Variants in NUP188 observed in about 807,000 individuals in gnomAD.
NUP188 encodes the protein nucleoporin NUP188.
Under a neutral mutation model 223.0 loss-of-function variants are expected in NUP188, and 97 were observed. The observed-to-expected ratio is 0.43, with a 90% CI of 0.37 to 0.51. The LOEUF (loss-of-function observed/expected upper bound fraction) is 0.51, where lower values mean the gene tolerates loss of function less well. NUP188 is among the 20% of genes least tolerant of loss of function. NUP188 has a pLI of 0.00. For missense variants in NUP188, 1,947 were observed against 2,175.6 expected, an observed-to-expected ratio of 0.89 and a Z score of 2.09; for synonymous variants, 869 against 828.0, an observed-to-expected ratio of 1.05 and a Z score of -0.85.
chr9:128,994,871 A>T lies in NUP188; in HGVS notation c.3103A>T (p.Thr1035Ser). ...SETSEPSILE[T>S]CALIMKIICL... ...ATCTCCACAGCCCAGCATCCTGGAA[A>T]CCTGTGCCCTAATCATGAAGATAAT... The change falls in exon 29 of 44, where the codon ACC becomes TCC. Residue 1035 changes from threonine (T) to serine (S), a missense_variant. Coordinates refer to ENST00000372577, the MANE Select transcript of NUP188 (RefSeq NM_015354.3). The T allele has an allele frequency of 6.2e-7, 1 of 1,613,792 alleles. No individual in the cohort carries two copies. The highest frequency in any genetic ancestry group is 1.1e-5 in the South Asian group (1 of 91,076).
At chr9:129,002,557 G>T (rs1168093183) in intron 36 of NUP188, among the ~76,000 whole-genome samples, 2 of 152,236 alleles carry the variant, frequency 1.3e-5, no homozygotes, top group African/African-American at 2.4e-5. Flanking sequence ...GCCAGAGCAG[G>T]GCAGTGACAT....
At chr9:128,963,200 CA>C (rs1427503129) in intron 8 of NUP188, among the ~76,000 whole-genome samples, 5 of 151,728 alleles carry the variant, frequency 3.3e-5, no homozygotes, top group Admixed American at 6.6e-5. Flanking sequence ...TGAACATTAG[CA>C]TATGGGTTTT....
intron 2 of NUP188, among the ~76,000 whole-genome samples, chr9:128,950,977 T>C (rs1564548207): frequency 6.6e-6 from 1 of 152,170 alleles, no homozygotes; most frequent in African/African-American, 2.4e-5. Flanking sequence ...GCTTGGCTGC[T>C]GAGAGTAGGG....
chr9:128,987,813 AGAC>A (rs1249155815), intron 23 of NUP188, 96 bp downstream of exon 23: 6 of 1,484,996 alleles, frequency 4.0e-6, no homozygotes, highest in Middle Eastern at 1.8e-4. Context: ...AGCTTTTAGA[AGAC>A]GACATTGTTC....
At chr9:128,956,559 C>A in intron 4 of NUP188, 125 bp downstream of exon 4, 1 of 560,488 alleles carries the variant, frequency 1.8e-6, no homozygotes, top group Non-Finnish European at 3.1e-6. Flanking sequence ...TATAAATACC[C>A]AGGTTGCAAC....
chr9:128,984,619 C>T (rs1398377564), intron 19 of NUP188, among the ~76,000 whole-genome samples: 1 of 152,182 alleles, frequency 6.6e-6, no homozygotes, highest in Non-Finnish European at 1.5e-5. Context: ...TACACAGGCT[C>T]CATCTTACTA....
intron 24 of NUP188, 56 bp from the exon 25 acceptor site, chr9:128,990,064 C>T (rs1842393026): frequency 7.5e-7 from 1 of 1,336,718 alleles, no homozygotes; most frequent in Admixed American, 1.7e-5. Flanking sequence ...AGTCAGTGCT[C>T]TAAGGACTTG....
chr9:128,987,465 G>T (rs564658528), intron 22 of NUP188, 124 bp from the exon 23 acceptor site: 19 of 819,146 alleles, frequency 2.3e-5, no homozygotes, highest in Middle Eastern at 3.8e-4. Flanking sequence ...CCTTCAGCTT[G>T]CAGAGAGCTG....
chr9:128,996,267 A>G lies in NUP188; in HGVS notation c.3351+753A>G, dbSNP rs150317193. 2.8e-4 allele frequency among the ~76,000 whole-genome samples: 43 copies of G among 151,762 alleles called. No individual in the cohort carries two copies. In the East Asian group the frequency reaches 7.0e-3, roughly 25 times the overall value. On this transcript the variant is annotated intron_variant, in intron 30 of 43. Transcript: ENST00000372577. ...CGGGTTCAAGGAATTCTCCTGTCTC[A>G]GCCTCCCAGGTAGCTGGGATTATAG...
At chr9:128,966,264 G>C (rs868526145) in intron 8 of NUP188, among the ~76,000 whole-genome samples, 2 of 127,372 alleles carry the variant, frequency 1.6e-5, no homozygotes, top group Admixed American at 7.9e-5. Flanking sequence ...CTGTGTCTGT[G>C]TGTGTGTGTG....
chr9:128,968,829 A>C (rs1842067953), intron 9 of NUP188, 112 bp downstream of exon 9: 1 of 768,750 alleles, frequency 1.3e-6, no homozygotes, highest in Non-Finnish European at 2.2e-6. Flanking sequence ...CGGTGGGGAA[A>C]TAGGTCTACT....
intron 15 of NUP188, 88 bp from the exon 16 acceptor site, chr9:128,982,461 C>G (rs1210199974): frequency 8.4e-7 from 1 of 1,185,878 alleles, no homozygotes; most frequent in East Asian, 2.4e-5. Flanking sequence ...TTGTGTATCT[C>G]TGTGTGTTTA....
chr9:129,005,103 CT>C (rs1842756903), intron 38 of NUP188, 43 bp from the exon 39 acceptor site: 1 of 1,507,658 alleles, frequency 6.6e-7, no homozygotes, highest in Non-Finnish European at 9.2e-7. Flanking sequence ...GGTGACTGGG[CT>C]GCTGACAAGA....
chr9:129,004,276 C>T (rs1245571207), intron 38 of NUP188, among the ~76,000 whole-genome samples: 5 of 124,712 alleles, frequency 4.0e-5, no homozygotes, highest in African/African-American at 1.1e-4. Flanking sequence ...AGTGAGACTC[C>T]GTCTCAAAAA....
chr9:128,951,337 G>A (rs1418179574), intron 2 of NUP188, among the ~76,000 whole-genome samples: 1 of 150,004 alleles, frequency 6.7e-6, no homozygotes, highest in Non-Finnish European at 1.5e-5. Flanking sequence ...GTCAGGCTTG[G>A]TGGCATATGC....
At chr9:128,987,860 C>A in intron 23 of NUP188, 143 bp downstream of exon 23, 1 of 1,240,748 alleles carries the variant, frequency 8.1e-7, no homozygotes, top group Non-Finnish European at 1.1e-6. Context: ...ACCCTAGTGG[C>A]TGCTGTATAG....
chr9:128,982,418 A>G, intron 15 of NUP188, 131 bp from the exon 16 acceptor site: 1 of 794,310 alleles, frequency 1.3e-6, no homozygotes, highest in Non-Finnish European at 2.0e-6. Context: ...CAAGAGGGAG[A>G]CTCTGTCTCA....
At position 129,001,892 on chromosome 9, in the gene NUP188, A is replaced by G; in HGVS notation, c.4053A>G (p.Thr1351=). 1 of 1,613,566 alleles carries G rather than the reference A, an allele frequency of 6.2e-7. No homozygotes were observed. Among genetic ancestry groups the G allele is most frequent in the African/African-American group, 1.3e-5 (1 of 75,030 alleles). The part of the protein sequence containing the change: ...LTLARTQQGA[T]AVAGAGITQS... ...TCTTTCCCTCCTCCCAGGGAGCCAC[A>G]GCAGTGGCTGGAGCTGGCATCACCC... Residue 1351 remains threonine, a synonymous_variant, in exon 36 of 44, where the codon ACA becomes ACG. Coordinates refer to ENST00000372577, the MANE Select transcript of NUP188 (RefSeq NM_015354.3).
chr9:128,982,088 A>G (rs1402436488), intron 15 of NUP188, among the ~76,000 whole-genome samples: 1 of 150,008 alleles, frequency 6.7e-6, no homozygotes, highest in East Asian at 2.0e-4. Flanking sequence ...AAAAAAAAAA[A>G]GACACTTGTC....
Sources: allele counts gnomAD v4.1 joint callset (sites outside exome capture counted in the v4.1 genomes callset), GRCh38; gene constraint gnomAD v4.1.1; transcripts MANE v1.5; gene names NCBI Gene and HGNC (gene_info 2026-07-23, HGNC 2026-07-21).